The following ELL variants were observed in gnomAD, a reference collection of about 807,000 sequenced individuals.
ELL encodes elongation factor for RNA polymerase II.
Under a neutral mutation model 64.0 loss-of-function variants are expected in ELL, and 18 were observed. The observed-to-expected ratio is 0.28, with a 90% CI of 0.19 to 0.42. ELL has a LOEUF of 0.42. ELL is among the 10% of genes least tolerant of loss of function. The pLI is 1.00. For synonymous variants in ELL, 399 were observed against 376.2 expected, an observed-to-expected ratio of 1.06 and a Z score of -0.70; for missense variants, 797 against 870.4, an observed-to-expected ratio of 0.92 and a Z score of 1.06.
intron 1 of ELL, 22 bp downstream of exon 1, chr19:18,521,899 C>G (rs1976289165): frequency 1.9e-6 from 3 of 1,563,074 alleles, no homozygotes; most frequent in Middle Eastern, 1.7e-4. Context: ...CCCACTGGCG[C>G]GCCGGGCGCC....
At chr19:18,447,429 G>C (rs572614340) in intron 8 of ELL, among the ~76,000 whole-genome samples, 1 of 152,366 alleles carries the variant, frequency 6.6e-6, no homozygotes, top group African/African-American at 2.4e-5. Context: ...GGCAGCTCCA[G>C]GACAGGGCCA....
rs921581198 is a variant in ELL, at chr19:18,449,979, G to A, written c.1465+498C>T. Among the ~76,000 whole-genome samples, 6 of 152,142 alleles carry A rather than the reference G, an allele frequency of 3.9e-5. No homozygotes were observed. Among genetic ancestry groups the A allele is most frequent in the African/African-American group, 9.7e-5 (4 of 41,404 alleles). The stretch of plus-strand genomic sequence containing the variant: ...AACCTACAGTCCACAACAGTCGCAC[G>A]GTGCCTACAGAGGTCCAGGTGCTAT... On this transcript the variant is annotated intron_variant, in intron 8 of 11. Transcript: ENST00000262809. The surrounding 1 kb of genome is among the most constrained non-coding windows in gnomAD (Gnocchi z 4.4).
intron 4 of ELL, 29 bp from the exon 5 acceptor site, chr19:18,461,881 C>T (rs1205627119): frequency 5.6e-6 from 9 of 1,596,110 alleles, no homozygotes; most frequent in Non-Finnish European, 7.7e-6. Flanking sequence ...CTTTAGGGAA[C>T]AGAGAGGGCG....
intron 6 of ELL, among the ~76,000 whole-genome samples, chr19:18,452,997 G>A (rs1265459058): frequency 1.3e-5 from 2 of 152,228 alleles, no homozygotes; most frequent in South Asian, 2.1e-4. Flanking sequence ...CAGGCCGGGC[G>A]CCCATGGCTC....
intron 1 of ELL, among the ~76,000 whole-genome samples, chr19:18,503,384 G>A (rs931071102): frequency 2.6e-5 from 4 of 152,238 alleles, no homozygotes; most frequent in Admixed American, 6.5e-5. Flanking sequence ...CCATAGGAGC[G>A]AGGGAGCCCC....
chr19:18,446,514 C>G, intron 9 of ELL, 34 bp from the exon 10 acceptor site: 1 of 1,600,040 alleles, frequency 6.2e-7, no homozygotes, highest in South Asian at 1.1e-5. Context: ...TGAGTGGAGG[C>G]TGGAAGGACC....
In ELL at chr19:18,472,697, C is replaced by T. The variant is rs773142652; in HGVS notation, c.183+138G>A. ...CCAGCCAAGGGGCTATCCTGGGGGC[C>T]TAGAACCCAGCCTTGCATGGTGGCA... On this transcript the variant is annotated intron_variant, in intron 2 of 11. Coordinates refer to ENST00000262809, the MANE Select transcript of ELL (RefSeq NM_006532.4). 16 of 1,103,600 alleles carry T rather than the reference C, an allele frequency of 1.4e-5. No homozygotes were observed. The Admixed American group carries it at 2.6e-4, about 18-fold the overall frequency. The allele number at this position is 1,103,600 out of a possible 1,614,324, so 68.4% of individuals were successfully genotyped here. A position where few individuals can be genotyped will look rare whatever the true frequency, so the allele number is the denominator to read the frequency against.
chr19:18,456,745 C>CA (rs1370734527), intron 6 of ELL, among the ~76,000 whole-genome samples: 1 of 151,818 alleles, frequency 6.6e-6, no homozygotes, highest in Non-Finnish European at 1.5e-5. Context: ...AACCACCCCC[C>CA]AAAGCCACAT....
intron 1 of ELL, among the ~76,000 whole-genome samples, chr19:18,486,173 C>T (rs1489018205): frequency 6.6e-6 from 1 of 152,082 alleles, no homozygotes; most frequent in Non-Finnish European, 1.5e-5. Flanking sequence ...GGCTCCACCT[C>T]GGGTGGGAGC....
chr19:18,471,696 G>C (rs1463952695), intron 2 of ELL, among the ~76,000 whole-genome samples: 21 of 152,202 alleles, frequency 1.4e-4, no homozygotes, highest in Non-Finnish European at 2.8e-4. Context: ...CCATTCTAAG[G>C]CATATCGGGT....
intron 5 of ELL, among the ~76,000 whole-genome samples, chr19:18,460,241 C>T (rs1974775875): frequency 6.6e-6 from 1 of 152,172 alleles, no homozygotes; most frequent in African/African-American, 2.4e-5. Context: ...AGGCACATCC[C>T]CCTCCTCTTC....
In ELL at chr19:18,447,971, A is replaced by C. The variant is rs1041544545; in HGVS notation, c.1466-1157T>G. ...AGCTAATTACAAAATTTTTTTGTAG[A>C]GATGGGGTCTCACTGTGTTGCCCAG... On this transcript the variant is annotated intron_variant, in intron 8 of 11. Coordinates refer to ENST00000262809, the MANE Select transcript of ELL (RefSeq NM_006532.4). 5.4e-4 allele frequency among the ~76,000 whole-genome samples: 82 copies of C among 152,086 alleles called. 1 individual carries two copies. The highest frequency in any genetic ancestry group is 1.8e-3 in the African/African-American group (76 of 41,498).
In ELL at chr19:18,472,716, G is replaced by T. The variant is rs868435760; in HGVS notation, c.183+119C>A. On this transcript the variant is annotated intron_variant, in intron 2 of 11. Coordinates refer to ENST00000262809, the MANE Select transcript of ELL (RefSeq NM_006532.4). ...GGGGGCCTAGAACCCAGCCTTGCAT[G>T]GTGGCAGACAGGGCCCAAACACTGC... is the stretch of plus-strand genomic sequence containing the variant. 7 of 1,256,168 alleles carry T rather than the reference G, an allele frequency of 5.6e-6. No individual in the cohort carries two copies. The Middle Eastern group carries it at 7.7e-4, about 139-fold the overall frequency. The allele number at this position is 1,256,168 out of a possible 1,614,324, so 77.8% of individuals were successfully genotyped here.
In ELL at chr19:18,451,577, C is replaced by T. The variant is rs766938572; in HGVS notation, c.941G>A (p.Arg314His). Residue 314 changes from arginine to histidine, a missense_variant, in exon 7 of 12, where the codon CGT becomes CAT. Physicochemically the swap from Arg to His is conservative, Grantham distance 29. Coordinates refer to ENST00000262809, the MANE Select transcript of ELL (RefSeq NM_006532.4). ...CTGTGGGGGCGAGGCCGAGCGCCCA[C>T]GCTCGCCTGGGGGGCTGGAGGCAGC... ...DPAASSPPGE[R>H]GRSASPPQKR... The T allele has an allele frequency of 1.5e-5, 23 of 1,493,654 alleles. No homozygotes were observed. The highest frequency in any genetic ancestry group is 5.1e-5 in the South Asian group (4 of 78,162). The allele number at this position is 1,493,654 out of a possible 1,614,324, so 92.5% of individuals were successfully genotyped here. A position where few individuals can be genotyped will look rare whatever the true frequency, so the allele number is the denominator to read the frequency against.
At chr19:18,521,887 T>C (rs1600518401) in intron 1 of ELL, 34 bp downstream of exon 1, 1 of 1,550,560 alleles carries the variant, frequency 6.4e-7, no homozygotes, top group East Asian at 2.5e-5. Context: ...GTCCGGACGT[T>C]CCCCACTGGC....
chr19:18,444,809 G>C lies in ELL; in HGVS notation c.1809C>G (p.Ala603=), dbSNP rs745455544. ...ACTCGGCGATGAGCCTCTTGATGTG[G>C]GCCAGCTTGCTGTGCAGGTACTCGC... ...HRCEYLHSKL[A]HIKRLIAEYD... is the part of the protein sequence containing the mutation. The change falls in exon 12 of 12, where the codon GCC becomes GCG. Residue 603 remains alanine (A), a synonymous_variant. Coordinates refer to ENST00000262809, the MANE Select transcript of ELL (RefSeq NM_006532.4). 1 of 1,611,540 alleles carries C rather than the reference G, an allele frequency of 6.2e-7. No homozygotes were observed. The highest frequency in any genetic ancestry group is 8.5e-7 in the Non-Finnish European group (1 of 1,179,958).
chr19:18,514,665 G>T (rs1225386863), intron 1 of ELL, among the ~76,000 whole-genome samples: 2 of 152,168 alleles, frequency 1.3e-5, no homozygotes, highest in African/African-American at 4.8e-5. Flanking sequence ...AGGTGAGATT[G>T]AAGACAACCC....
rs1229749491 is a variant in ELL at position 18,465,975 on chromosome 19, C to A, written c.184-57G>T. ...GGTCCTCGGCAGGACAGGTCCCCAGCCTGCATCTTCCTGCATGAGTCCCCA... is the reference window on the plus strand; with the variant it reads ...GGTCCTCGGCAGGACAGGTCCCCAGACTGCATCTTCCTGCATGAGTCCCCA... On this transcript the variant is annotated intron_variant, in intron 2 of 11. Coordinates refer to ENST00000262809, the MANE Select transcript of ELL (RefSeq NM_006532.4). 23 of 1,247,082 alleles carry A rather than the reference C, an allele frequency of 1.8e-5. No homozygotes were observed. In the East Asian group the frequency reaches 7.0e-4, roughly 38 times the overall value. 77.3% of individuals were successfully genotyped at this position (1,247,082 alleles called of 1,614,324 possible).
chr19:18,463,933 C>T (rs1974885891), intron 4 of ELL, among the ~76,000 whole-genome samples: 2 of 151,180 alleles, frequency 1.3e-5, no homozygotes, highest in Admixed American at 6.6e-5. Flanking sequence ...TTGCAGTGAG[C>T]CGAGATCGCG....
Sources: gnomAD v4.1 joint callset for allele counts (sites outside exome capture counted in the v4.1 genomes callset) on GRCh38, gnomAD v4.1.1 for gene constraint, Gnocchi (gnomAD v3.1) non-coding constraint, MANE v1.5 for transcripts, NCBI Gene and HGNC (gene_info 2026-07-23, HGNC 2026-07-21) for gene names.